MAD1L1: variants seen among roughly 807,000 people sequenced by gnomAD.
MAD1L1 encodes the protein mitotic arrest deficient 1 like 1.
Under a neutral mutation model 96.9 loss-of-function variants are expected in MAD1L1, and 95 were observed. The observed-to-expected ratio is 0.98, with a 90% CI of 0.83 to 1.16. MAD1L1 has a LOEUF of 1.16. Ranked by LOEUF, MAD1L1 falls within the 50% of genes most tolerant of loss-of-function variation. MAD1L1 has a pLI of 0.00. For synonymous variants in MAD1L1, 473 were observed against 396.6 expected, an observed-to-expected ratio of 1.19 and a Z score of -2.29; for missense variants, 1,007 against 954.4, an observed-to-expected ratio of 1.06 and a Z score of -0.73.
In MAD1L1 at chr7:2,041,422, T is replaced by C. The variant is rs1226486780; in HGVS notation, c.1219-26780A>G. 2.0e-5 allele frequency among the ~76,000 whole-genome samples: 3 copies of C among 152,184 alleles called. No homozygotes were observed. The East Asian group carries it at 5.8e-4, about 29-fold the overall frequency. On this transcript the variant is annotated intron_variant, in intron 12 of 18. Transcript: ENST00000265854. ...TCCCTGCCAGCCCCAACCTGCCAGCTCGTAGCAGAGTCAGCTCATCACATT... is the reference window on the plus strand; with the variant it reads ...TCCCTGCCAGCCCCAACCTGCCAGCCCGTAGCAGAGTCAGCTCATCACATT...
intron 17 of MAD1L1, among the ~76,000 whole-genome samples, chr7:1,921,602 A>C (rs1246045457): frequency 2.0e-5 from 3 of 152,220 alleles, no homozygotes; most frequent in African/African-American, 7.2e-5. Context: ...TACAGGCATG[A>C]GCCACCGCGC....
chr7:2,106,919 G>C, intron 11 of MAD1L1, among the ~76,000 whole-genome samples: 1 of 152,264 alleles, frequency 6.6e-6, no homozygotes, highest in East Asian at 1.9e-4. Flanking sequence ...GCAGGGGCCC[G>C]GGGGTCCAGA....
intron 11 of MAD1L1, among the ~76,000 whole-genome samples, chr7:2,145,488 G>A (rs917873908): frequency 6.6e-6 from 1 of 152,244 alleles, no homozygotes. Flanking sequence ...TCACAGCAGC[G>A]TTTGGAACTG....
chr7:1,903,194 G>T (rs560363628), intron 17 of MAD1L1, among the ~76,000 whole-genome samples: 5 of 151,428 alleles, frequency 3.3e-5, no homozygotes, highest in Non-Finnish European at 7.4e-5. Context: ...GCCTATTGAA[G>T]ACGCTCCTGC....
intron 18 of MAD1L1, among the ~76,000 whole-genome samples, chr7:1,824,573 G>A (rs770332833): frequency 2.0e-5 from 3 of 152,170 alleles, no homozygotes; most frequent in Non-Finnish European, 2.9e-5. Context: ...CCACCTCGCT[G>A]CAGCAGGACT....
chr7:2,206,531 C>G (rs561624749), intron 10 of MAD1L1, among the ~76,000 whole-genome samples: 7 of 152,336 alleles, frequency 4.6e-5, no homozygotes, highest in Non-Finnish European at 8.8e-5. Context: ...TGGTTTACCA[C>G]CCTCGGTGAA....
chr7:2,062,035 G>A (rs1368513506), intron 12 of MAD1L1, among the ~76,000 whole-genome samples: 2 of 151,146 alleles, frequency 1.3e-5, no homozygotes, highest in Non-Finnish European at 2.9e-5. Flanking sequence ...GAGGTCAGGA[G>A]TTCAGGACCA....
chr7:2,016,184 G>A (rs1016709352), intron 12 of MAD1L1, among the ~76,000 whole-genome samples: 3 of 152,114 alleles, frequency 2.0e-5, no homozygotes, highest in Non-Finnish European at 2.9e-5. Flanking sequence ...TCACAAACCC[G>A]GGAAGCGGTC....
intron 10 of MAD1L1, among the ~76,000 whole-genome samples, chr7:2,201,059 TG>T (rs1181295088): frequency 6.6e-6 from 1 of 152,210 alleles, no homozygotes. Flanking sequence ...TACAGCTGGC[TG>T]CAGGGAGTGA....
At chr7:1,937,049 G>T in intron 16 of MAD1L1, 152 bp from the exon 17 acceptor site, 1 of 664,198 alleles carries the variant, frequency 1.5e-6, no homozygotes, top group Non-Finnish European at 2.5e-6. Context: ...GAGCCTGCCT[G>T]GCAGCCATCT....
At chr7:1,852,612 G>A (rs533165360) in intron 18 of MAD1L1, among the ~76,000 whole-genome samples, 2 of 152,252 alleles carry the variant, frequency 1.3e-5, no homozygotes, top group East Asian at 3.9e-4. Context: ...AAGTATAACA[G>A]CCCCAGGTGT....
At chr7:1,944,544 C>T (rs1209621664) in intron 16 of MAD1L1, among the ~76,000 whole-genome samples, 1 of 152,148 alleles carries the variant, frequency 6.6e-6, no homozygotes, top group East Asian at 1.9e-4. Context: ...CTGAGAGGGG[C>T]TGCCTGGAGG....
chr7:1,884,187 G>A (rs933245766), intron 18 of MAD1L1, among the ~76,000 whole-genome samples: 11 of 152,256 alleles, frequency 7.2e-5, no homozygotes, highest in Admixed American at 3.3e-4. Flanking sequence ...GCCGAGGCAT[G>A]CACGGTGTTT....
chr7:1,971,351 C>T (rs1266677475), intron 15 of MAD1L1, among the ~76,000 whole-genome samples: 2 of 152,286 alleles, frequency 1.3e-5, no homozygotes, highest in South Asian at 2.1e-4. Flanking sequence ...AGAATTCTCT[C>T]GCACAGAAGT....
chr7:1,984,166 A>G (rs1044281119), intron 14 of MAD1L1, among the ~76,000 whole-genome samples: 1 of 152,248 alleles, frequency 6.6e-6, no homozygotes, highest in Non-Finnish European at 1.5e-5. Flanking sequence ...TCTTTGAACC[A>G]AGAATTGTTT....
At chr7:1,939,194 T>A (rs1279984167) in intron 16 of MAD1L1, among the ~76,000 whole-genome samples, 21 of 125,504 alleles carry the variant, frequency 1.7e-4, no homozygotes, top group Non-Finnish European at 2.9e-4. Flanking sequence ...CCAGAGGCGC[T>A]CACACACACA....
chr7:2,077,145 C>T (rs965642797), intron 11 of MAD1L1, among the ~76,000 whole-genome samples: 19 of 152,070 alleles, frequency 1.2e-4, no homozygotes, highest in South Asian at 2.1e-4. Flanking sequence ...GCTCGCAGCA[C>T]GGTGAGCCTG....
chr7:2,171,960 G>C (rs1457822132), intron 10 of MAD1L1, among the ~76,000 whole-genome samples: 1 of 152,172 alleles, frequency 6.6e-6, no homozygotes, highest in Non-Finnish European at 1.5e-5. Context: ...ATCACCACGA[G>C]GCCTAAGTCT....
chr7:2,049,826 TCTGCGGGCACCAG>T (rs1306100843), intron 12 of MAD1L1, among the ~76,000 whole-genome samples: 1 of 146,012 alleles, frequency 6.8e-6, no homozygotes, highest in East Asian at 2.1e-4. Flanking sequence ...GCTGGCACCA[TCTGCGGGCACCAG>T]ACCACACGTT....
Sources: gnomAD v4.1 joint callset for allele counts (sites outside exome capture counted in the v4.1 genomes callset) on GRCh38, gnomAD v4.1.1 for gene constraint, MANE v1.5 for transcripts, NCBI Gene and HGNC (gene_info 2026-07-23, HGNC 2026-07-21) for gene names.